Variants in TRPC7 observed in about 807,000 individuals in gnomAD.
TRPC7 encodes short transient receptor potential channel 7.
In TRPC7, 42 loss-of-function variants were observed where a neutral mutation model predicts 90.1. The observed-to-expected ratio is 0.47, with a 90% CI of 0.36 to 0.60. The LOEUF (loss-of-function observed/expected upper bound fraction) is 0.60, where lower values mean the gene tolerates loss of function less well. Among genes scored for constraint, TRPC7 ranks in the 20% least tolerant of loss-of-function variants. The pLI, the probability that TRPC7 is intolerant of heterozygous loss-of-function variation, is 0.00. For missense variants in TRPC7, 955 were observed against 1,112.3 expected (o/e 0.86, Z 2.01); for synonymous variants, 451 against 436.3 (o/e 1.03, Z -0.42).
chr5:136,251,759 A>G lies in TRPC7; in HGVS notation c.1469T>C (p.Phe490Ser), dbSNP rs1756526535. 6.2e-7 allele frequency: 1 copy of G among 1,613,858 alleles called. No homozygotes were observed. The highest frequency in any genetic ancestry group is 1.7e-5 in the Admixed American group (1 of 59,996). ...CTCCGTGGCCTTCAGGAAGGCCATGAAGCGTGCTGTGAAGGAGGCCACGAA... is the reference window on the plus strand; with the variant it reads ...CTCCGTGGCCTTCAGGAAGGCCATGGAGCGTGCTGTGAAGGAGGCCACGAA... ...SIFVASFTAR[F>S]MAFLKATEAQ... is the part of the protein sequence containing the mutation. The change falls in exon 6 of 12, where the codon TTC (phenylalanine) becomes TCC (serine). Residue 490 changes from phenylalanine to serine, a missense_variant. Transcript: ENST00000513104.
intron 2 of TRPC7, among the ~76,000 whole-genome samples, chr5:136,318,095 C>T (rs937887502): frequency 9.9e-5 from 15 of 152,114 alleles, no homozygotes; most frequent in African/African-American, 3.6e-4. Context: ...AGAACCCAGG[C>T]CTGCGAGGAA....
At chr5:136,277,718 T>C (rs76659687) in intron 3 of TRPC7, among the ~76,000 whole-genome samples, 2 of 152,170 alleles carry the variant, frequency 1.3e-5, no homozygotes, top group African/African-American at 4.8e-5. Context: ...ATAGCTAGAA[T>C]AGAATAGGAA....
At chr5:136,288,891 A>T (rs1757830491) in intron 3 of TRPC7, among the ~76,000 whole-genome samples, 1 of 152,226 alleles carries the variant, frequency 6.6e-6, no homozygotes, top group Non-Finnish European at 1.5e-5. Flanking sequence ...TTCTCTGGGC[A>T]GTGGTTTATT....
intron 3 of TRPC7, among the ~76,000 whole-genome samples, chr5:136,282,247 G>A (rs933576047): frequency 2.6e-5 from 4 of 152,162 alleles, no homozygotes; most frequent in Non-Finnish European, 4.4e-5. Flanking sequence ...TTTTCAAAGA[G>A]ATTCCCTCAT....
intron 7 of TRPC7, among the ~76,000 whole-genome samples, chr5:136,243,805 G>T (rs191479232): frequency 2.0e-5 from 3 of 151,958 alleles, no homozygotes; most frequent in African/African-American, 7.2e-5. Context: ...CTGTTTTTCT[G>T]TTCAATCAAA....
intron 10 of TRPC7, among the ~76,000 whole-genome samples, chr5:136,224,744 TCC>T (rs1755573590): frequency 1.3e-5 from 2 of 152,146 alleles, no homozygotes; most frequent in East Asian, 3.9e-4. Flanking sequence ...AGTTACCCTC[TCC>T]CCCATCCTGA....
In TRPC7 at chr5:136,356,872, C is replaced by A; in HGVS notation, c.516G>T (p.Ala172=). Residue 172 remains alanine (A), a synonymous_variant, in exon 2 of 12, where the codon GCG becomes GCT. Coordinates refer to ENST00000513104, the MANE Select transcript of TRPC7 (RefSeq NM_020389.3). The stretch of plus-strand genomic sequence containing the variant: ...GCACGATCTCATACTCCTGGCAGTG[C>A]GCCGCCAGGATGATGGGCGTGATGT... ...SHDITPIILA[A]HCQEYEIVHI... is the part of the protein sequence containing the mutation. The A allele has an allele frequency of 6.2e-7, 1 of 1,613,856 alleles. No individual in the cohort carries two copies. Among genetic ancestry groups the A allele is most frequent in the Non-Finnish European group, 8.5e-7 (1 of 1,179,936 alleles).
intron 3 of TRPC7, among the ~76,000 whole-genome samples, chr5:136,289,149 C>T (rs947982838): frequency 6.6e-6 from 1 of 152,150 alleles, no homozygotes; most frequent in African/African-American, 2.4e-5. Context: ...GACTGAAGGT[C>T]CTTATTAGAA....
chr5:136,251,654 G>A lies in TRPC7; in HGVS notation c.1574C>T (p.Thr525Ile). 1 of 1,604,144 alleles carries A rather than the reference G, an allele frequency of 6.2e-7. No homozygotes were observed. Among genetic ancestry groups the A allele is most frequent in the Non-Finnish European group, 8.5e-7 (1 of 1,172,984 alleles). The change falls in exon 6 of 12, where the codon ACC (threonine) becomes ATC (isoleucine). Residue 525 changes from threonine (T) to isoleucine (I), a missense_variant. Physicochemically the swap from Thr to Ile is moderately conservative, Grantham distance 89 (BLOSUM62 -1). Coordinates refer to ENST00000513104, the MANE Select transcript of TRPC7 (RefSeq NM_020389.3). ...VSLPPEVAYF[T>I]YARDKWWPSD... is the part of the protein sequence containing the mutation. ...GGAAGCACTCTCCGACTCACCGTAGGTGAAGTATGCCACTTCCGGCGGAAG... is the reference window on the plus strand; with the variant it reads ...GGAAGCACTCTCCGACTCACCGTAGATGAAGTATGCCACTTCCGGCGGAAG...
intron 3 of TRPC7, among the ~76,000 whole-genome samples, chr5:136,311,375 T>C (rs1020274875): frequency 1.3e-5 from 2 of 152,176 alleles, no homozygotes; most frequent in Admixed American, 6.5e-5. Flanking sequence ...CAACTCTGTC[T>C]GGGTCTCTGT....
Position 136,232,467 on chromosome 5 carries a change from T to C in TRPC7, c.1845-918A>G, listed in dbSNP as rs564659991. ...TAAGCTTTCTAAACTGGGGCTGAAT[T>C]ATCAAGAATGAGAGTGGGGATTTTG... On this transcript the variant is annotated intron_variant, in intron 7 of 11. Coordinates refer to ENST00000513104, the MANE Select transcript of TRPC7 (RefSeq NM_020389.3). Among the ~76,000 whole-genome samples the C allele has an allele frequency of 2.6e-5, 4 of 152,324 alleles. No individual in the cohort carries two copies. In the South Asian group the frequency reaches 8.3e-4, roughly 32 times the overall value.
intron 3 of TRPC7, among the ~76,000 whole-genome samples, chr5:136,290,233 G>A (rs948209406): frequency 1.2e-4 from 18 of 152,160 alleles, no homozygotes; most frequent in Admixed American, 2.0e-4. Context: ...AAATCAGAGC[G>A]CCTCTCCTCA....
chr5:136,267,332 A>T (rs151030840), intron 4 of TRPC7, among the ~76,000 whole-genome samples: 1 of 152,188 alleles, frequency 6.6e-6, no homozygotes, highest in African/African-American at 2.4e-5. Flanking sequence ...CTTCCAGCTC[A>T]TTGCCCTCAT....
chr5:136,292,218 T>A (rs1757983204), intron 3 of TRPC7, among the ~76,000 whole-genome samples: 1 of 151,912 alleles, frequency 6.6e-6, no homozygotes, highest in African/African-American at 2.4e-5. Context: ...CACCCTAACA[T>A]CACAATTAAA....
At chr5:136,322,754 T>C (rs1759237496) in intron 2 of TRPC7, among the ~76,000 whole-genome samples, 1 of 152,244 alleles carries the variant, frequency 6.6e-6, no homozygotes, top group Non-Finnish European at 1.5e-5. Flanking sequence ...CATCTTTTCC[T>C]GTGCTTATTT....
At chr5:136,308,175 C>T (rs184851395) in intron 3 of TRPC7, among the ~76,000 whole-genome samples, 106 of 152,266 alleles carry the variant, frequency 7.0e-4, no homozygotes, top group African/African-American at 1.6e-3. Flanking sequence ...TCTTTCTCTT[C>T]GGAAGATTTG....
intron 5 of TRPC7, among the ~76,000 whole-genome samples, chr5:136,258,472 C>T (rs367791268): frequency 3.0e-4 from 45 of 152,128 alleles, no homozygotes; most frequent in African/African-American, 9.4e-4. Context: ...GGTAAGCATG[C>T]GCCCCCACCC....
At chr5:136,306,495 C>G (rs1242485169) in intron 3 of TRPC7, among the ~76,000 whole-genome samples, 1 of 152,036 alleles carries the variant, frequency 6.6e-6, no homozygotes, top group Non-Finnish European at 1.5e-5. Context: ...TACCACCCCC[C>G]AAAAATTTTT....
chr5:136,277,876 G>T (rs1386755323), intron 3 of TRPC7, among the ~76,000 whole-genome samples: 1 of 152,182 alleles, frequency 6.6e-6, no homozygotes, highest in Non-Finnish European at 1.5e-5. Flanking sequence ...ATTCTTGAAG[G>T]GAAGAACTGA....
Sources: allele counts gnomAD v4.1 joint callset (sites outside exome capture counted in the v4.1 genomes callset), GRCh38; gene constraint gnomAD v4.1.1; transcripts MANE v1.5; gene names NCBI Gene and HGNC (gene_info 2026-07-23, HGNC 2026-07-21).